Variants in SYNE2 observed in about 807,000 individuals in gnomAD.
SYNE2 encodes spectrin repeat containing nuclear envelope protein 2, also known as nesprin-2.
A neutral mutation model predicts 856.3 loss-of-function variants in SYNE2; 431 were observed. That is an observed-to-expected ratio of 0.50 (90% CI 0.47 to 0.55). SYNE2 has a LOEUF of 0.55. Ranked by LOEUF, SYNE2 falls within the 20% of genes least tolerant of loss-of-function variation. SYNE2 has a pLI of 0.00. For missense variants in SYNE2, 8,129 were observed against 8,023.2 expected (o/e 1.01, Z -0.50); for synonymous variants, 2,923 against 2,872.3 (o/e 1.02, Z -0.56).
intron 45 of SYNE2, among the ~76,000 whole-genome samples, chr14:64,036,807 T>G (rs1261817148): frequency 6.6e-6 from 1 of 152,200 alleles, no homozygotes; most frequent in Non-Finnish European, 1.5e-5. Context: ...TGGTTTGAAT[T>G]CATCTGTACA....
intron 66 of SYNE2, among the ~76,000 whole-genome samples, chr14:64,118,975 C>T (rs1262600069): frequency 6.6e-6 from 1 of 152,114 alleles, no homozygotes; most frequent in Non-Finnish European, 1.5e-5. Context: ...TTCATTCACT[C>T]CTGATAATGA....
chr14:64,163,303 AG>A, intron 88 of SYNE2, 98 bp from the exon 89 acceptor site: 1 of 1,373,744 alleles, frequency 7.3e-7, no homozygotes, highest in Admixed American at 1.8e-5. Flanking sequence ...CTACGTTTTC[AG>A]GGCAAATATT....
Position 63,868,741 on chromosome 14 carries a change from T to C in SYNE2, c.-52+15598T>C, listed in dbSNP as rs79798196. ...GTGTGCATGTGTGCGTGTGTGTGTA[T>C]GTGTGTGTGCTGGGGTTTTTGTAAT... On this transcript the variant is annotated intron_variant, in intron 1 of 115. Coordinates refer to ENST00000555002, the MANE Select transcript of SYNE2 (RefSeq NM_182914.3). Among the ~76,000 whole-genome samples the C allele has an allele frequency of 9.2e-3, 1,404 of 152,262 alleles. 23 individuals carry two copies. In the East Asian group the frequency reaches 0.095, roughly 10 times the overall value.
At chr14:64,154,621 T>C (rs2098271032) in intron 85 of SYNE2, among the ~76,000 whole-genome samples, 1 of 151,822 alleles carries the variant, frequency 6.6e-6, no homozygotes, top group African/African-American at 2.4e-5. Context: ...GGCAAAACCC[T>C]ATCTCTACCA....
At chr14:63,914,924 T>A (rs2095516751) in intron 2 of SYNE2, among the ~76,000 whole-genome samples, 1 of 152,140 alleles carries the variant, frequency 6.6e-6, no homozygotes, top group South Asian at 2.1e-4. Flanking sequence ...ATTACAGGCA[T>A]GTGCCACCAC....
chr14:64,078,485 A>G lies in SYNE2; in HGVS notation c.11042A>G (p.Lys3681Arg), dbSNP rs1178376126. Residue 3681 changes from lysine (K) to arginine (R), a missense_variant, in exon 55 of 116, where the codon AAA becomes AGA. By Grantham distance (26) the Lys-to-Arg change is conservative. Coordinates refer to ENST00000555002, the MANE Select transcript of SYNE2 (RefSeq NM_182914.3). ...IDEKISNEVLKSSPSYAMRRK... is the reference protein window; with the variant it reads ...IDEKISNEVLRSSPSYAMRRK... ...TCACAGATTAGCAATGAAGTCTTAA[A>G]AAGCTCACCATCATATGCAATGAGG... The G allele has an allele frequency of 6.2e-7, 1 of 1,614,138 alleles. No individual in the cohort carries two copies. The highest frequency in any genetic ancestry group is 1.1e-5 in the South Asian group (1 of 91,082).
At chr14:64,002,670 C>G (rs528340086) in intron 29 of SYNE2, 50 bp from the exon 30 acceptor site, 1 of 1,597,350 alleles carries the variant, frequency 6.3e-7, no homozygotes, top group Admixed American at 1.7e-5. Context: ...TCACATGTAG[C>G]CTTTCTTTTT....
chr14:63,908,001 A>G (rs540546528), intron 1 of SYNE2, among the ~76,000 whole-genome samples: 3 of 152,320 alleles, frequency 2.0e-5, no homozygotes, highest in Admixed American at 6.5e-5. Context: ...GATGATAAAC[A>G]GAGGGGGCAG....
chr14:63,940,362 C>A (rs376425911), intron 2 of SYNE2, among the ~76,000 whole-genome samples: 9 of 152,236 alleles, frequency 5.9e-5, no homozygotes, highest in Admixed American at 6.5e-5. Flanking sequence ...GGTCCTAATT[C>A]TTTTATCAGT....
intron 1 of SYNE2, among the ~76,000 whole-genome samples, chr14:63,889,586 T>C (rs1595458182): frequency 6.6e-6 from 1 of 152,184 alleles, no homozygotes; most frequent in Non-Finnish European, 1.5e-5. Flanking sequence ...AGGGATTCTT[T>C]TTTTTTCAGC....
chr14:63,841,946 C>T (rs1890080250), intron 1 of SYNE2, among the ~76,000 whole-genome samples: 1 of 149,714 alleles, frequency 6.7e-6, no homozygotes. Context: ...TATTTTCCTG[C>T]CTCAGCCTTC....
chr14:64,185,584 G>A (rs1014018906), intron 96 of SYNE2, among the ~76,000 whole-genome samples: 13 of 138,222 alleles, frequency 9.4e-5, no homozygotes, highest in South Asian at 2.2e-4. Flanking sequence ...GCAGTGGTGC[G>A]ATCTTGTCTC....
Position 64,025,056 on chromosome 14 carries a change from C to T in SYNE2, c.5960+25C>T, listed in dbSNP as rs1247761410. On this transcript the variant is annotated intron_variant, in intron 40 of 115. Coordinates refer to ENST00000555002, the MANE Select transcript of SYNE2 (RefSeq NM_182914.3). ...GGTATAGCTGATCTTGTATGAAATACATTACCTGAGATTATGGTTTCTTCC... is the reference window on the plus strand; with the variant it reads ...GGTATAGCTGATCTTGTATGAAATATATTACCTGAGATTATGGTTTCTTCC... 5.0e-6 allele frequency: 8 copies of T among 1,613,860 alleles called. No individual in the cohort carries two copies. The African/African-American group carries it at 8.0e-5, about 16-fold the overall frequency.
chr14:64,207,485 C>T (rs1252778997), intron 100 of SYNE2, among the ~76,000 whole-genome samples: 9 of 150,412 alleles, frequency 6.0e-5, no homozygotes, highest in East Asian at 1.9e-4. Flanking sequence ...CACTTGAGCC[C>T]GGAGGTAGAG....
intron 30 of SYNE2, among the ~76,000 whole-genome samples, chr14:64,004,191 A>C (rs1567027079): frequency 7.2e-6 from 1 of 138,328 alleles, no homozygotes; most frequent in Non-Finnish European, 1.6e-5. Flanking sequence ...TGCCTGGCTA[A>C]TTTTTTTTTT....
Position 64,170,309 on chromosome 14 carries a change from C to T in SYNE2, c.17082C>T (p.Asp5694=), listed in dbSNP as rs973393555. The T allele has an allele frequency of 5.0e-6, 8 of 1,613,934 alleles. No individual in the cohort carries two copies. In the Admixed American group the frequency reaches 5.0e-5, roughly 10 times the overall value. ...AGGGTGTTCGGCAGAGGAAGGGTGA[C>T]GTTGATGGGCTGGTGAGGCAGTGGC... ...AVQGVRQRKG[D]VDGLVRQWQD... Residue 5694 remains aspartate (D), a synonymous_variant, in exon 94 of 116, where the codon GAC becomes GAT. Coordinates refer to ENST00000555002, the MANE Select transcript of SYNE2 (RefSeq NM_182914.3).
chr14:63,825,287 A>T (rs186275089), intron 1 of SYNE2, among the ~76,000 whole-genome samples: 16 of 152,320 alleles, frequency 1.1e-4, no homozygotes, highest in Admixed American at 8.5e-4. Context: ...AAAATTACCA[A>T]GGTTGGAAGG....
chr14:63,916,959 A>G (rs1248787837), intron 2 of SYNE2, among the ~76,000 whole-genome samples: 1 of 151,904 alleles, frequency 6.6e-6, no homozygotes, highest in Non-Finnish European at 1.5e-5. Context: ...GCATGGCAAC[A>G]TTCCCCTGTA....
intron 84 of SYNE2, among the ~76,000 whole-genome samples, chr14:64,150,291 C>CGAAAAAAA (rs2098229041): frequency 2.8e-5 from 1 of 35,626 alleles, no homozygotes. Flanking sequence ...GATTCTCTCT[C>CGAAAAAAA]AAAAAAAAAA....
Sources: allele counts gnomAD v4.1 joint callset (sites outside exome capture counted in the v4.1 genomes callset), GRCh38; gene constraint gnomAD v4.1.1; transcripts MANE v1.5; gene names NCBI Gene and HGNC (gene_info 2026-07-23, HGNC 2026-07-21).